The following ELAVL2 variants were observed in gnomAD, a reference collection of about 807,000 sequenced individuals.
ELAVL2 encodes ELAV like RNA binding protein 2, also known as ELAV-like protein 2.
In ELAVL2, 4 loss-of-function variants were observed where a neutral mutation model predicts 34.6. The observed-to-expected ratio is 0.12, with a 90% confidence interval of 0.06 to 0.26. ELAVL2 has a LOEUF of 0.26. Among genes scored for constraint, ELAVL2 ranks in the 10% least tolerant of loss-of-function variants. ELAVL2 has a pLI of 1.00. For synonymous variants in ELAVL2, 193 were observed against 154.8 expected (o/e 1.25, Z -1.83); for missense variants, 432 against 442.8 (o/e 0.98, Z 0.22).
chr9:23,725,758 C>G (rs577566231), intron 3 of ELAVL2, among the ~76,000 whole-genome samples: 2 of 152,244 alleles, frequency 1.3e-5, no homozygotes, highest in East Asian at 3.9e-4. Context: ...ATTATTCTCT[C>G]TTCAGGAGAG....
chr9:23,725,619 T>C (rs1027536954), intron 3 of ELAVL2, among the ~76,000 whole-genome samples: 4 of 152,082 alleles, frequency 2.6e-5, no homozygotes, highest in South Asian at 2.1e-4. Flanking sequence ...CAAATTATAA[T>C]GATAAAGAAA....
intron 1 of ELAVL2, among the ~76,000 whole-genome samples, chr9:23,790,100 A>G (rs981957188): frequency 4.6e-5 from 7 of 152,128 alleles, no homozygotes; most frequent in Non-Finnish European, 7.4e-5. Flanking sequence ...AACAAATGAC[A>G]AATTTTCTCC....
At chr9:23,809,549 G>A (rs2062700117) in intron 1 of ELAVL2, among the ~76,000 whole-genome samples, 1 of 152,126 alleles carries the variant, frequency 6.6e-6, no homozygotes, top group Non-Finnish European at 1.5e-5. Context: ...TGAAATTCTA[G>A]TAAGATTACC....
chr9:23,791,378 T>C (rs1221299086), intron 1 of ELAVL2, among the ~76,000 whole-genome samples: 1 of 152,172 alleles, frequency 6.6e-6, no homozygotes, highest in East Asian at 1.9e-4. Flanking sequence ...AGAAATTAAA[T>C]ACCCTTACCC....
chr9:23,842,471 C>T, the ELAVL2 span, among the ~76,000 whole-genome samples: 1 of 152,074 alleles, frequency 6.6e-6, no homozygotes, highest in South Asian at 2.1e-4. Context: ...TGACTCATGG[C>T]CAGATCTCAA....
At chr9:23,748,377 C>T (rs2051034190) in intron 2 of ELAVL2, among the ~76,000 whole-genome samples, 1 of 152,008 alleles carries the variant, frequency 6.6e-6, no homozygotes, top group African/African-American at 2.4e-5. Flanking sequence ...GTCCCAAGAC[C>T]CCACACGGAT....
chr9:23,836,849 G>A, the ELAVL2 span, among the ~76,000 whole-genome samples: 1 of 152,204 alleles, frequency 6.6e-6, no homozygotes, highest in African/African-American at 2.4e-5. Context: ...AGCCAGTAGA[G>A]GGAAGTACAG....
In ELAVL2 at chr9:23,699,894, G is replaced by A. The variant is rs554708476; in HGVS notation, c.713+1485C>T. Among the ~76,000 whole-genome samples the A allele has an allele frequency of 7.4e-5, 10 of 135,850 alleles. No homozygotes were observed. The East Asian group carries it at 2.1e-3, about 28-fold the overall frequency. 89.1% of individuals were successfully genotyped at this position (135,850 alleles called of 152,430 possible). On this transcript the variant is annotated intron_variant, in intron 5 of 6. Transcript: ENST00000397312. ...CCTCACAGCAGAGCATGAAGTACAAGGCTCAATGCTTTTGACAGTACCACC... is the reference window on the plus strand; with the variant it reads ...CCTCACAGCAGAGCATGAAGTACAAAGCTCAATGCTTTTGACAGTACCACC...
intron 6 of ELAVL2, 148 bp from the exon 7 acceptor site, chr9:23,693,032 C>A: frequency 1.3e-6 from 1 of 763,206 alleles, no homozygotes. Context: ...ATGTTTTGAC[C>A]AAGGTCTGTG....
chr9:23,835,816 C>G, the ELAVL2 span, among the ~76,000 whole-genome samples: 1 of 152,120 alleles, frequency 6.6e-6, no homozygotes, highest in East Asian at 1.9e-4. Flanking sequence ...GAACCTTAAA[C>G]TTTTAGAGAT....
chr9:23,814,456 T>C (rs1219739453), intron 1 of ELAVL2, among the ~76,000 whole-genome samples: 1 of 152,054 alleles, frequency 6.6e-6, no homozygotes, highest in Non-Finnish European at 1.5e-5. Flanking sequence ...AGGCTGTGGG[T>C]AGTTCAAATT....
intron 3 of ELAVL2, among the ~76,000 whole-genome samples, chr9:23,717,768 T>A (rs2042686719): frequency 6.6e-6 from 1 of 152,182 alleles, no homozygotes; most frequent in Admixed American, 6.5e-5. Flanking sequence ...TACTACACAA[T>A]GACATCAAGG....
intron 4 of ELAVL2, among the ~76,000 whole-genome samples, chr9:23,702,239 C>T (rs2037514089): frequency 6.6e-6 from 1 of 152,000 alleles, no homozygotes; most frequent in Non-Finnish European, 1.5e-5. Flanking sequence ...TATTTTATTA[C>T]AGAAAAATAT....
intron 3 of ELAVL2, among the ~76,000 whole-genome samples, chr9:23,712,208 C>G (rs532691394): frequency 2.1e-4 from 32 of 152,034 alleles, no homozygotes; most frequent in Non-Finnish European, 4.0e-4. Flanking sequence ...TCCAAAGACA[C>G]AAAGAAAAAG....
rs144423629 is a variant in ELAVL2 at position 23,746,638 on chromosome 9, T to C, written c.229+15368A>G. ...CGGTTCCTTACTGGCTGCTTGCCTA[T>C]AGGCAGGCAGAAAGAGAGAGGACCC... On this transcript the variant is annotated intron_variant, in intron 2 of 6. Coordinates refer to ENST00000397312, the MANE Select transcript of ELAVL2 (RefSeq NM_004432.5). 8.7e-3 allele frequency among the ~76,000 whole-genome samples: 1,322 copies of C among 152,064 alleles called. 8 individuals are homozygous for C. The highest frequency in any genetic ancestry group is 0.02 in the Middle Eastern group (6 of 294).
chr9:23,700,528 G>A (rs2036819883), intron 5 of ELAVL2, among the ~76,000 whole-genome samples: 1 of 152,160 alleles, frequency 6.6e-6, no homozygotes, highest in African/African-American at 2.4e-5. Context: ...GAACTACAGA[G>A]AGGTCAGTAA....
chr9:23,782,033 C>A (rs1230646244), intron 1 of ELAVL2, among the ~76,000 whole-genome samples: 2 of 152,004 alleles, frequency 1.3e-5, no homozygotes. Flanking sequence ...GTTGCTCAGG[C>A]TGGTCTCAAA....
intron 1 of ELAVL2, among the ~76,000 whole-genome samples, chr9:23,792,597 CA>C (rs970083539): frequency 5.3e-5 from 8 of 152,126 alleles, no homozygotes; most frequent in African/African-American, 1.9e-4. Flanking sequence ...ATCACTTGCT[CA>C]AATACCATCA....
At chr9:23,769,104 G>A (rs1471887943) in intron 1 of ELAVL2, among the ~76,000 whole-genome samples, 1 of 152,086 alleles carries the variant, frequency 6.6e-6, no homozygotes, top group Non-Finnish European at 1.5e-5. Context: ...CCAGTACAAA[G>A]GCCTTCCTTC....
Sources: allele counts gnomAD v4.1 joint callset (sites outside exome capture counted in the v4.1 genomes callset), GRCh38; gene constraint gnomAD v4.1.1; transcripts MANE v1.5; gene names NCBI Gene and HGNC (gene_info 2026-07-23, HGNC 2026-07-21).